SATB2: variants seen among roughly 807,000 people sequenced by gnomAD.
SATB2 encodes SATB homeobox 2.
Under a neutral mutation model 73.4 loss-of-function variants are expected in SATB2, and 1 was observed. That is an observed-to-expected ratio of 0.01 (90% CI 0.00 to 0.06). The LOEUF (loss-of-function observed/expected upper bound fraction) is 0.06, where lower values mean the gene tolerates loss of function less well. Among genes scored for constraint, SATB2 ranks in the 10% least tolerant of loss-of-function variants. SATB2 has a pLI of 1.00. For synonymous variants in SATB2, 397 were observed against 367.0 expected (o/e 1.08, Z -0.93); for missense variants, 459 against 945.8 (o/e 0.49, Z 6.75).
chr2:199,360,175 C>T (rs1689095138), intron 6 of SATB2, among the ~76,000 whole-genome samples: 1 of 152,182 alleles, frequency 6.6e-6, no homozygotes, highest in African/African-American at 2.4e-5. Flanking sequence ...ACCTGCTGGT[C>T]TCCCCAGTAG....
At chr2:199,415,596 G>C (rs1168389852) in intron 3 of SATB2, among the ~76,000 whole-genome samples, 1 of 152,148 alleles carries the variant, frequency 6.6e-6, no homozygotes, top group Non-Finnish European at 1.5e-5. Context: ...CTGCAGATGA[G>C]CTATTTAATT....
chr2:199,410,471 A>G (rs1290328080), intron 3 of SATB2, among the ~76,000 whole-genome samples: 1 of 152,212 alleles, frequency 6.6e-6, no homozygotes, highest in Non-Finnish European at 1.5e-5. Context: ...TTAGAACAGG[A>G]GTACATTTGT....
intron 6 of SATB2, among the ~76,000 whole-genome samples, chr2:199,363,228 A>T (rs1689189704): frequency 6.6e-6 from 1 of 152,206 alleles, no homozygotes; most frequent in Non-Finnish European, 1.5e-5. Flanking sequence ...GCATACTATC[A>T]GTGACTATCA....
Position 199,429,824 on chromosome 2 carries a change from C to T in SATB2, c.346+3514G>A, listed in dbSNP as rs561642546. Among the ~76,000 whole-genome samples, 12 of 152,298 alleles carry T rather than the reference C, an allele frequency of 7.9e-5. No homozygotes were observed. In the South Asian group the frequency reaches 2.3e-3, roughly 29 times the overall value. On this transcript the variant is annotated intron_variant, in intron 3 of 10. Transcript: ENST00000417098. ...ATTTGGGAGCCTAAGGCAGGAGAAT[C>T]GCCTGAAACCGGCAGGCAGAGGTTG...
At chr2:199,462,232 C>CTCT (rs2105966627), upstream of SATB2, among the ~76,000 whole-genome samples, 1 of 152,358 alleles carries the variant, frequency 6.6e-6, no homozygotes, top group South Asian at 2.1e-4. This position sits in a 1 kb window ranked among gnomAD's most constrained non-coding sequence, Gnocchi z 5.9. Context: ...GCGGGCCTGC[C>CTCT]TCTTCCCCTG....
intron 3 of SATB2, among the ~76,000 whole-genome samples, chr2:199,386,346 T>A (rs1196185737): frequency 6.6e-6 from 1 of 152,158 alleles, no homozygotes; most frequent in Non-Finnish European, 1.5e-5. Flanking sequence ...GGTACTGGAC[T>A]GCAGGTGGAT....
chr2:199,381,105 G>A (rs773216817), intron 4 of SATB2, among the ~76,000 whole-genome samples: 4 of 152,160 alleles, frequency 2.6e-5, no homozygotes, highest in Non-Finnish European at 2.9e-5. Flanking sequence ...AGAACCTCCA[G>A]TTCTTTAGAG....
At chr2:199,393,766 T>C (rs1690218137) in intron 3 of SATB2, among the ~76,000 whole-genome samples, 1 of 152,244 alleles carries the variant, frequency 6.6e-6, no homozygotes, top group South Asian at 2.1e-4. Context: ...AGCATCCAGC[T>C]TTTTGTTTCT....
chr2:199,331,402 A>G (rs1014389622), intron 7 of SATB2, among the ~76,000 whole-genome samples: 2 of 152,172 alleles, frequency 1.3e-5, no homozygotes, highest in African/African-American at 4.8e-5. Context: ...GTGGTGGAAT[A>G]TACTGTTTCC....
intron 6 of SATB2, among the ~76,000 whole-genome samples, chr2:199,354,600 C>T (rs1043334912): frequency 6.6e-6 from 1 of 152,134 alleles, no homozygotes; most frequent in African/African-American, 2.4e-5. Flanking sequence ...AGCTGTGAGA[C>T]TTTTGGTAGC....
intron 7 of SATB2, among the ~76,000 whole-genome samples, chr2:199,335,618 AC>A (rs1413662822): frequency 1.3e-5 from 2 of 152,202 alleles, no homozygotes; most frequent in Non-Finnish European, 2.9e-5. Context: ...TAAGAAGGCA[AC>A]AAATGCATAT....
intron 3 of SATB2, among the ~76,000 whole-genome samples, chr2:199,401,095 C>T (rs1477368681): frequency 6.6e-6 from 1 of 152,158 alleles, no homozygotes; most frequent in Non-Finnish European, 1.5e-5. Flanking sequence ...TAAACTTTCT[C>T]ATTCATTCAT....
chr2:199,442,591 G>T (rs1488661871), intron 2 of SATB2, among the ~76,000 whole-genome samples: 1 of 152,000 alleles, frequency 6.6e-6, no homozygotes, highest in East Asian at 1.9e-4. Flanking sequence ...ATGTTATAAG[G>T]ACAAAAGAGC....
intron 6 of SATB2, among the ~76,000 whole-genome samples, chr2:199,367,841 C>G (rs1430562207): frequency 6.6e-6 from 1 of 151,988 alleles, no homozygotes; most frequent in South Asian, 2.1e-4. Context: ...TGAAATGGTC[C>G]TGACATGTTT....
At chr2:199,336,155 G>C (rs71424220) in intron 7 of SATB2, among the ~76,000 whole-genome samples, 5 of 152,164 alleles carry the variant, frequency 3.3e-5, no homozygotes, top group East Asian at 3.9e-4. Context: ...GGAAGTCTTA[G>C]GTACTGGAAT....
chr2:199,352,166 A>G (rs1688837789), intron 6 of SATB2, among the ~76,000 whole-genome samples: 1 of 152,200 alleles, frequency 6.6e-6, no homozygotes, highest in Non-Finnish European at 1.5e-5. Context: ...GAGCCACTGT[A>G]CCTGGCCATC....
chr2:199,288,911 G>C (rs1379479337), intron 10 of SATB2, among the ~76,000 whole-genome samples: 1 of 152,210 alleles, frequency 6.6e-6, no homozygotes, highest in Admixed American at 6.5e-5. Flanking sequence ...TCTCTAGGGA[G>C]AGGCAGCAAA....
intron 7 of SATB2, among the ~76,000 whole-genome samples, chr2:199,345,539 C>T (rs1309344125): frequency 6.6e-6 from 1 of 151,966 alleles, no homozygotes; most frequent in African/African-American, 2.4e-5. Flanking sequence ...TTACTCCAAC[C>T]ACTCTTTCCA....
chr2:199,318,311 T>C lies in SATB2; in HGVS notation c.1542+5492A>G, dbSNP rs546027003. ...TCCTCAAAATGGAAACTTAATAATATAAGATCAACATTAAAGCACTTTTTG... is the reference window on the plus strand; with the variant it reads ...TCCTCAAAATGGAAACTTAATAATACAAGATCAACATTAAAGCACTTTTTG... On this transcript the variant is annotated intron_variant, in intron 9 of 10. Transcript: ENST00000417098. Among the ~76,000 whole-genome samples the C allele has an allele frequency of 9.2e-5, 14 of 152,134 alleles. No homozygotes were observed. In the South Asian group the frequency reaches 2.9e-3, roughly 32 times the overall value.
Sources: allele counts gnomAD v4.1 joint callset (sites outside exome capture counted in the v4.1 genomes callset), GRCh38; gene constraint gnomAD v4.1.1; non-coding constraint Gnocchi (gnomAD v3.1); transcripts MANE v1.5; gene names NCBI Gene and HGNC (gene_info 2026-07-23, HGNC 2026-07-21).